C19orf12: variants seen among roughly 807,000 people sequenced by gnomAD.
The protein encoded by C19orf12 is protein C19orf12.
A neutral mutation model predicts 3.8 loss-of-function variants in C19orf12; 2 were observed. That is an observed-to-expected ratio of 0.53 (90% CI 0.22 to 1.66). The LOEUF (loss-of-function observed/expected upper bound fraction) is 1.66. C19orf12 is among the 40% of genes most tolerant of loss of function. C19orf12 has a pLI of 0.20. For synonymous variants in C19orf12, 89 were observed against 84.6 expected (o/e 1.05, Z -0.28); for missense variants, 156 against 188.8 (o/e 0.83, Z 1.02).
chr19:29,712,130 C>G (rs10407128), intron 1 of C19orf12, among the ~76,000 whole-genome samples: 76,361 of 151,934 alleles, frequency 0.5, 21,252 homozygotes, highest in African/African-American at 0.75. Flanking sequence ...ACACGGCCGG[C>G]CACGGTGGCT....
chr19:29,705,402 C>CATAA (rs1972321096), intron 2 of C19orf12: 1 of 105,334 alleles, frequency 9.5e-6, no homozygotes. Flanking sequence ...ATCCTGAAAC[C>CATAA]AAAAAAAAAA....
In C19orf12 at chr19:29,700,906, A is replaced by G. The variant is rs1054513343; in HGVS notation, c.*1806T>C. 2.6e-5 allele frequency: 12 copies of G among 453,996 alleles called. No homozygotes were observed. Among genetic ancestry groups the G allele is most frequent in the African/African-American group, 2.4e-4 (12 of 50,010 alleles). 28.1% of individuals were successfully genotyped at this position (453,996 alleles called of 1,614,324 possible). ...GAGCCCCAAGTCCCTGCCCTGCCCC[A>G]GGACCTGGGGACCAAGGAATAACAT... On this transcript the variant is annotated 3_prime_UTR_variant, in exon 3 of 3. Coordinates refer to ENST00000323670, the MANE Select transcript of C19orf12 (RefSeq NM_031448.6).
In C19orf12 at chr19:29,701,683, G is replaced by A. The variant is rs1029976650; in HGVS notation, c.*1029C>T. On this transcript the variant is annotated 3_prime_UTR_variant, in exon 3 of 3. Coordinates refer to ENST00000323670, the MANE Select transcript of C19orf12 (RefSeq NM_031448.6). ...CATACCTCATTCTACTATGCTTTGT[G>A]AATACTGTGTTTTTTTTTTAAATTG... is the stretch of plus-strand genomic sequence containing the variant. 14 of 452,016 alleles carry A rather than the reference G, an allele frequency of 3.1e-5. No individual in the cohort carries two copies. The highest frequency in any genetic ancestry group is 2.8e-4 in the African/African-American group (14 of 49,864). The allele number at this position is 452,016 out of a possible 1,614,324, so 28.0% of individuals were successfully genotyped here.
Position 29,702,369 on chromosome 19 carries a change from G to A in C19orf12, c.*343C>T, listed in dbSNP as rs901123274. 1.4e-5 allele frequency: 7 copies of A among 514,826 alleles called. No homozygotes were observed. Among genetic ancestry groups the A allele is most frequent in the East Asian group, 5.2e-5 (1 of 19,384 alleles). The allele number at this position is 514,826 out of a possible 1,614,324, so 31.9% of individuals were successfully genotyped here. A position where few individuals can be genotyped will look rare whatever the true frequency, so the allele number is the denominator to read the frequency against. ...GGGGAGGATGAAGTGTGGTCAGACCGTCGGCTGAGCGTGATCACTTCCCCA... is the reference window on the plus strand; with the variant it reads ...GGGGAGGATGAAGTGTGGTCAGACCATCGGCTGAGCGTGATCACTTCCCCA... On this transcript the variant is annotated 3_prime_UTR_variant, in exon 3 of 3. Coordinates refer to ENST00000323670, the MANE Select transcript of C19orf12 (RefSeq NM_031448.6).
In C19orf12 at chr19:29,699,130, T is replaced by C. The variant is rs1209217986; in HGVS notation, c.*3582A>G. 1 of 453,708 alleles carries C rather than the reference T, an allele frequency of 2.2e-6. No homozygotes were observed. 28.1% of individuals were successfully genotyped at this position (453,708 alleles called of 1,614,324 possible). A position where few individuals can be genotyped will look rare whatever the true frequency, so the allele number is the denominator to read the frequency against. On this transcript the variant is annotated 3_prime_UTR_variant, in exon 3 of 3. Coordinates refer to ENST00000323670, the MANE Select transcript of C19orf12 (RefSeq NM_031448.6). Reference sequence around the variant, plus strand: ...ATTATTTAACATTCATTGATACAGGTGTTCAAAGGGGCATATAGGATAAGA... The same window carrying C: ...ATTATTTAACATTCATTGATACAGGCGTTCAAAGGGGCATATAGGATAAGA...
rs761341736 is a variant in C19orf12 at position 29,701,469 on chromosome 19, GA to G, written c.*1242del. On this transcript the variant is annotated 3_prime_UTR_variant, in exon 3 of 3. Transcript: ENST00000323670. ...CATATTGTTTAGGGAATAATGGCAA[GA>G]AAAAAAGGTCTGTACGTGTTCAGTA... 89 of 453,936 alleles carry G rather than the reference GA, an allele frequency of 2.0e-4. 2 individuals carry two copies. The highest frequency in any genetic ancestry group is 1.3e-3 in the South Asian group (86 of 64,466). The allele number at this position is 453,936 out of a possible 1,614,324, so 28.1% of individuals were successfully genotyped here.
intron 2 of C19orf12, among the ~76,000 whole-genome samples, chr19:29,706,473 T>C (rs3746315): frequency 0.18 from 27,569 of 152,152 alleles, 2,835 homozygotes; most frequent in East Asian, 0.37. Flanking sequence ...TCCTGTTCTC[T>C]ACCAGCTTTT....
rs1972100367 is a variant in C19orf12 at position 29,701,760 on chromosome 19, A to G, written c.*952T>C. On this transcript the variant is annotated 3_prime_UTR_variant, in exon 3 of 3. Transcript: ENST00000323670. Reference sequence around the variant, plus strand: ...CAAGTCTATTTGGCACCATTTTCCAACAGCATGTGCTCACTTTGCGTTTCT... The same window carrying G: ...CAAGTCTATTTGGCACCATTTTCCAGCAGCATGTGCTCACTTTGCGTTTCT... The G allele has an allele frequency of 2.2e-6, 1 of 450,654 alleles. No homozygotes were observed. The highest frequency in any genetic ancestry group is 2.0e-5 in the African/African-American group (1 of 49,960). The allele number at this position is 450,654 out of a possible 1,614,324, so 27.9% of individuals were successfully genotyped here. A position where few individuals can be genotyped will look rare whatever the true frequency, so the allele number is the denominator to read the frequency against.
rs934761152 is a variant in C19orf12 at position 29,699,193 on chromosome 19, C to T, written c.*3519G>A. Reference sequence around the variant, plus strand: ...TAGAAATATACATACATAGGCCGGGCGCAGTGGCTCACGCCTGTAATCCCA... The same window carrying T: ...TAGAAATATACATACATAGGCCGGGTGCAGTGGCTCACGCCTGTAATCCCA... On this transcript the variant is annotated 3_prime_UTR_variant, in exon 3 of 3. Transcript: ENST00000323670. The T allele has an allele frequency of 8.8e-6, 4 of 453,672 alleles. No individual in the cohort carries two copies. Among genetic ancestry groups the T allele is most frequent in the Admixed American group, 2.4e-5 (1 of 42,530 alleles). 28.1% of individuals were successfully genotyped at this position (453,672 alleles called of 1,614,324 possible).
chr19:29,701,773 A>C lies in C19orf12; in HGVS notation c.*939T>G, dbSNP rs1264205772. The C allele has an allele frequency of 4.4e-6, 2 of 450,744 alleles. No individual in the cohort carries two copies. Among genetic ancestry groups the C allele is most frequent in the Non-Finnish European group, 8.9e-6 (2 of 224,318 alleles). The allele number at this position is 450,744 out of a possible 1,614,324, so 27.9% of individuals were successfully genotyped here. A position where few individuals can be genotyped will look rare whatever the true frequency, so the allele number is the denominator to read the frequency against. ...CACCATTTTCCAACAGCATGTGCTC[A>C]CTTTGCGTTTCTGTGTCAGCATTTT... On this transcript the variant is annotated 3_prime_UTR_variant, in exon 3 of 3. Transcript: ENST00000323670.
chr19:29,713,762 A>G (rs1035654741), intron 1 of C19orf12, among the ~76,000 whole-genome samples: 4 of 152,134 alleles, frequency 2.6e-5, no homozygotes, highest in African/African-American at 7.2e-5. Context: ...ACCAGATCAC[A>G]TTGGACCTGC....
In C19orf12 at chr19:29,702,975, C is replaced by A. The variant is rs1972192000; in HGVS notation, c.163G>T (p.Gly55Trp). 3 of 1,614,106 alleles carry A rather than the reference C, an allele frequency of 1.9e-6. No individual in the cohort carries two copies. Among genetic ancestry groups the A allele is most frequent in the South Asian group, 2.2e-5 (2 of 91,080 alleles). The change falls in exon 3 of 3, where the codon GGG (glycine) becomes TGG (tryptophan). Residue 55 changes from glycine (G) to tryptophan (W), a missense_variant and splice_region_variant. Physicochemically the swap from Gly to Trp is radical, Grantham distance 184. Transcript: ENST00000323670. ...VGGPPGLAVG[G>W]AVGGLLGAWM... ...GCACCTAACAGCCCCCCGACAGCCC[C>A]CCCTAGAAAACATGGAATCGTTCAA...
Position 29,715,182 on chromosome 19 carries a change from G to C in C19orf12, c.-68C>G. On this transcript the variant is annotated 5_prime_UTR_variant, in exon 1 of 3. Transcript: ENST00000323670. ...GCGATCAGACGCGGCTGCAGCCCGG[G>C]CCTGGCAGGCCCCGGGCTCCCCGCC... is the stretch of plus-strand genomic sequence containing the variant. The C allele has an allele frequency of 3.9e-6, 2 of 518,106 alleles. No individual in the cohort carries two copies. Among genetic ancestry groups the C allele is most frequent in the Non-Finnish European group, 7.0e-6 (2 of 287,456 alleles). 32.1% of individuals were successfully genotyped at this position (518,106 alleles called of 1,614,324 possible). A position where few individuals can be genotyped will look rare whatever the true frequency, so the allele number is the denominator to read the frequency against.
chr19:29,704,838 G>C (rs1238901680), intron 2 of C19orf12, among the ~76,000 whole-genome samples: 1 of 152,198 alleles, frequency 6.6e-6, no homozygotes, highest in Non-Finnish European at 1.5e-5. Flanking sequence ...GAATCGCATG[G>C]ACCTTCCGAG....
At position 29,708,440 on chromosome 19, in the gene C19orf12, C is replaced by G; in HGVS notation, c.-10-17G>C. ...GTGGCGGGCCTTCGAGGGAGAAGTT[C>G]AGAGGGACAGTTTCAATGAGCATAA... is the stretch of plus-strand genomic sequence containing the variant. On this transcript the variant is annotated splice_polypyrimidine_tract_variant and intron_variant, in intron 1 of 2. Coordinates refer to ENST00000323670, the MANE Select transcript of C19orf12 (RefSeq NM_031448.6). 3 of 1,612,348 alleles carry G rather than the reference C, an allele frequency of 1.9e-6. No homozygotes were observed. The highest frequency in any genetic ancestry group is 2.5e-6 in the Non-Finnish European group (3 of 1,179,978).
At position 29,699,848 on chromosome 19, in the gene C19orf12, A is replaced by C; in HGVS notation, c.*2864T>G. The C allele has an allele frequency of 2.2e-6, 1 of 450,536 alleles. No individual in the cohort carries two copies. The highest frequency in any genetic ancestry group is 1.6e-5 in the South Asian group (1 of 63,222). 27.9% of individuals were successfully genotyped at this position (450,536 alleles called of 1,614,324 possible). Reference sequence around the variant, plus strand: ...TTCAAAAATAAATAAATTTCTACAAAGAAGATACAGATATATAAATACTAA... The same window carrying C: ...TTCAAAAATAAATAAATTTCTACAACGAAGATACAGATATATAAATACTAA... On this transcript the variant is annotated 3_prime_UTR_variant, in exon 3 of 3. Coordinates refer to ENST00000323670, the MANE Select transcript of C19orf12 (RefSeq NM_031448.6).
Position 29,701,057 on chromosome 19 carries a change from T to C in C19orf12, c.*1655A>G, listed in dbSNP as rs1235850099. 1 of 454,064 alleles carries C rather than the reference T, an allele frequency of 2.2e-6. No individual in the cohort carries two copies. Among genetic ancestry groups the C allele is most frequent in the African/African-American group, 2.0e-5 (1 of 50,030 alleles). 28.1% of individuals were successfully genotyped at this position (454,064 alleles called of 1,614,324 possible). On this transcript the variant is annotated 3_prime_UTR_variant, in exon 3 of 3. Transcript: ENST00000323670. ...CAAGCATGAGCCACCTCACCTGACCTACTCTTGCATTCTTTAAAGCCACAA... is the reference window on the plus strand; with the variant it reads ...CAAGCATGAGCCACCTCACCTGACCCACTCTTGCATTCTTTAAAGCCACAA...
intron 2 of C19orf12, among the ~76,000 whole-genome samples, chr19:29,705,930 C>T (rs547685936): frequency 1.7e-4 from 26 of 152,290 alleles, no homozygotes; most frequent in Non-Finnish European, 3.5e-4. Context: ...TCTCTGTAAA[C>T]CTAATATTAT....
rs546483084 is a variant in C19orf12 at position 29,702,986 on chromosome 19, C to T, written c.161-9G>A. 2.5e-6 allele frequency: 4 copies of T among 1,613,794 alleles called. No homozygotes were observed. In the South Asian group the frequency reaches 4.4e-5, roughly 18 times the overall value. On this transcript the variant is annotated splice_polypyrimidine_tract_variant and intron_variant, in intron 2 of 2. Transcript: ENST00000323670. ...CCCCCCGACAGCCCCCCCTAGAAAA[C>T]ATGGAATCGTTCAATTAGTGGGTCT...
Sources: allele counts gnomAD v4.1 joint callset (sites outside exome capture counted in the v4.1 genomes callset), GRCh38; gene constraint gnomAD v4.1.1; transcripts MANE v1.5; gene names NCBI Gene and HGNC (gene_info 2026-07-23, HGNC 2026-07-21).